SPATA45: variants seen among roughly 807,000 people sequenced by gnomAD.
The protein encoded by SPATA45 is spermatogenesis-associated protein 45.
Under a neutral mutation model 7.0 loss-of-function variants are expected in SPATA45, and 5 were observed. The observed-to-expected ratio is 0.71, with a 90% CI of 0.37 to 1.50. SPATA45 has a LOEUF of 1.50. Among genes scored for constraint, SPATA45 ranks in the 40% most tolerant of loss-of-function variants. The pLI is 0.03. For synonymous variants in SPATA45, 40 were observed against 38.7 expected, an observed-to-expected ratio of 1.03 and a Z score of -0.13; for missense variants, 111 against 114.9, an observed-to-expected ratio of 0.97 and a Z score of 0.16.
In SPATA45 at chr1:212,830,279, A is replaced by C. The variant is rs1158658828; in HGVS notation, c.278-18T>G. 7.0e-7 allele frequency: 1 copy of C among 1,432,694 alleles called. No homozygotes were observed. Among genetic ancestry groups the C allele is most frequent in the South Asian group, 1.2e-5 (1 of 81,936 alleles). The allele number at this position is 1,432,694 out of a possible 1,614,324, so 88.7% of individuals were successfully genotyped here. A position where few individuals can be genotyped will look rare whatever the true frequency, so the allele number is the denominator to read the frequency against. ...GGCATTATCTGAAAAAATAAAAAATAAAAAGTATTTGTTATATAACTTATA... is the reference window on the plus strand; with the variant it reads ...GGCATTATCTGAAAAAATAAAAAATCAAAAGTATTTGTTATATAACTTATA... On this transcript the variant is annotated intron_variant, in intron 2 of 2. Coordinates refer to ENST00000332912, the MANE Select transcript of SPATA45 (RefSeq NM_001024601.3).
intron 1 of SPATA45, among the ~76,000 whole-genome samples, chr1:212,837,251 T>A (rs1241703810): frequency 1.3e-5 from 2 of 151,624 alleles, no homozygotes; most frequent in Non-Finnish European, 3.0e-5. Flanking sequence ...AAAGATAAAG[T>A]AGAAAAGTTA....
At chr1:212,846,045 G>A (rs541786870) in intron 1 of SPATA45, among the ~76,000 whole-genome samples, 1 of 152,234 alleles carries the variant, frequency 6.6e-6, no homozygotes, top group African/African-American at 2.4e-5. Context: ...CCAATTCTTA[G>A]TCCTTTAATA....
intron 1 of SPATA45, among the ~76,000 whole-genome samples, chr1:212,841,218 G>T (rs1663677775): frequency 6.6e-6 from 1 of 151,822 alleles, no homozygotes; most frequent in Non-Finnish European, 1.5e-5. Context: ...GAATCCAGGG[G>T]CATGATCTTG....
chr1:212,833,471 C>T (rs1663525308), intron 2 of SPATA45, among the ~76,000 whole-genome samples: 1 of 125,410 alleles, frequency 8.0e-6, no homozygotes, highest in Admixed American at 8.7e-5. Flanking sequence ...CCAGTCTGGC[C>T]AACATGACGA....
chr1:212,843,093 TCAAA>T (rs1449981609), intron 1 of SPATA45, among the ~76,000 whole-genome samples: 8 of 80,050 alleles, frequency 1.0e-4, no homozygotes, highest in African/African-American at 3.5e-4. Context: ...CAAGACTCCG[TCAAA>T]CATACACACA....
chr1:212,838,762 C>T (rs544019762), intron 1 of SPATA45, among the ~76,000 whole-genome samples: 1 of 151,592 alleles, frequency 6.6e-6, no homozygotes, highest in South Asian at 2.1e-4. Flanking sequence ...AGTGAAGTGG[C>T]GTGACCATGG....
chr1:212,833,443 G>A (rs541095506), intron 2 of SPATA45, among the ~76,000 whole-genome samples: 29 of 145,582 alleles, frequency 2.0e-4, no homozygotes, highest in Non-Finnish European at 3.0e-5. Flanking sequence ...TGGATCACTT[G>A]AAGCCAGGAG....
intron 2 of SPATA45, among the ~76,000 whole-genome samples, chr1:212,832,585 A>C (rs541219814): frequency 6.6e-6 from 1 of 151,480 alleles, no homozygotes; most frequent in Non-Finnish European, 1.5e-5. Flanking sequence ...TCAAGTAAGC[A>C]CTGATATATA....
intron 1 of SPATA45, among the ~76,000 whole-genome samples, chr1:212,839,609 C>A (rs1663643740): frequency 9.8e-6 from 1 of 101,588 alleles, no homozygotes; most frequent in East Asian, 2.5e-4. Context: ...CACAGCAAGA[C>A]CCTATGTCAA....
chr1:212,843,659 G>A (rs1663735865), intron 1 of SPATA45, among the ~76,000 whole-genome samples: 1 of 152,182 alleles, frequency 6.6e-6, no homozygotes, highest in Non-Finnish European at 1.5e-5. Context: ...TCTGAGCAAA[G>A]GGCCCTATGT....
At chr1:212,832,491 G>T (rs1402266393) in intron 2 of SPATA45, among the ~76,000 whole-genome samples, 3 of 149,962 alleles carry the variant, frequency 2.0e-5, no homozygotes, top group Non-Finnish European at 3.0e-5. Context: ...TTACAGGCAT[G>T]AGCCAGCACA....
chr1:212,840,480 CAG>C (rs1663660821), intron 1 of SPATA45, among the ~76,000 whole-genome samples: 1 of 152,100 alleles, frequency 6.6e-6, no homozygotes, highest in South Asian at 2.1e-4. Context: ...TTTTTTGAGA[CAG>C]AGTCTTGCTC....
intron 2 of SPATA45, among the ~76,000 whole-genome samples, chr1:212,830,937 C>T (rs1273672362): frequency 1.3e-5 from 2 of 151,102 alleles, no homozygotes; most frequent in African/African-American, 4.8e-5. Flanking sequence ...GAGCCGAGAT[C>T]GCAACACTGC....
chr1:212,841,326 T>C lies in SPATA45; in HGVS notation c.-38-5139A>G, dbSNP rs184819326. Among the ~76,000 whole-genome samples, 39 of 152,210 alleles carry C rather than the reference T, an allele frequency of 2.6e-4. No individual in the cohort carries two copies. The East Asian group carries it at 5.4e-3, about 21-fold the overall frequency. ...ACAAGTGCGCACCACCATGCCCAGC[T>C]AATTTTTTTGTATTTTTGGTAGAGA... On this transcript the variant is annotated intron_variant, in intron 1 of 2. Transcript: ENST00000332912.
At chr1:212,847,198 T>C (rs1229822475) in intron 1 of SPATA45, among the ~76,000 whole-genome samples, 1 of 152,174 alleles carries the variant, frequency 6.6e-6, no homozygotes, top group Non-Finnish European at 1.5e-5. Flanking sequence ...GCCCAGGTTT[T>C]GAAAATATTA....
At chr1:212,847,066 T>C (rs2102516369) in intron 1 of SPATA45, among the ~76,000 whole-genome samples, 1 of 152,216 alleles carries the variant, frequency 6.6e-6, no homozygotes, top group Middle Eastern at 3.4e-3. Context: ...AATTTTTGTA[T>C]TTTTTGTAGA....
intron 1 of SPATA45, among the ~76,000 whole-genome samples, chr1:212,846,330 A>T (rs113951608): frequency 0.023 from 3,488 of 152,090 alleles, 63 homozygotes; most frequent in South Asian, 0.041. Flanking sequence ...CTGCCTCAAC[A>T]CTTCACCACT....
At chr1:212,836,287 A>G in intron 1 of SPATA45, 100 bp from the exon 2 acceptor site, 1 of 899,498 alleles carries the variant, frequency 1.1e-6, no homozygotes, top group South Asian at 1.7e-5. Flanking sequence ...TCTATAAAAT[A>G]ACACCACAAC....
rs573172782 is a variant in SPATA45 at position 212,834,382 on chromosome 1, T to C, written c.277+1491A>G. ...CAATGAAGGTATTTATCAGCTCCCCTTCTTCCTCCTATAAAATAATACCAC... is the reference window on the plus strand; with the variant it reads ...CAATGAAGGTATTTATCAGCTCCCCCTCTTCCTCCTATAAAATAATACCAC... On this transcript the variant is annotated intron_variant, in intron 2 of 2. Transcript: ENST00000332912. 1.5e-4 allele frequency among the ~76,000 whole-genome samples: 23 copies of C among 151,418 alleles called. 2 individuals are homozygous for C. Among genetic ancestry groups the C allele is most frequent in the Non-Finnish European group, 2.7e-4 (18 of 67,680 alleles).
Sources: gnomAD v4.1 joint callset for allele counts (sites outside exome capture counted in the v4.1 genomes callset) on GRCh38, gnomAD v4.1.1 for gene constraint, MANE v1.5 for transcripts, NCBI Gene and HGNC (gene_info 2026-07-23, HGNC 2026-07-21) for gene names.